The following SHROOM3 variants were observed in gnomAD, a reference collection of about 807,000 sequenced individuals.
SHROOM3 encodes protein Shroom3.
In SHROOM3, 47 loss-of-function variants were observed where a neutral mutation model predicts 138.6. The ratio of observed to expected loss-of-function variants is 0.34; its 90% CI spans 0.27 to 0.43. The LOEUF (loss-of-function observed/expected upper bound fraction) is 0.43, where lower values mean the gene tolerates loss of function less well. SHROOM3 is among the 20% of genes least tolerant of loss of function. SHROOM3 has a pLI of 1.00. For missense variants in SHROOM3, 2,491 were observed against 2,596.5 expected, an observed-to-expected ratio of 0.96 and a Z score of 0.88; for synonymous variants, 1,062 against 1,063.3, an observed-to-expected ratio of 1.00 and a Z score of 0.02.
intron 2 of SHROOM3, among the ~76,000 whole-genome samples, chr4:76,694,375 G>A (rs891284881): frequency 7.3e-5 from 11 of 151,520 alleles, no homozygotes; most frequent in African/African-American, 2.7e-4. Context: ...GTTTTTTTTT[G>A]TGTTTTGTTG....
chr4:76,533,597 G>A (rs1732877145), intron 1 of SHROOM3, among the ~76,000 whole-genome samples: 1 of 152,180 alleles, frequency 6.6e-6, no homozygotes, highest in Non-Finnish European at 1.5e-5. Context: ...GAACACTGAT[G>A]TGGGAAAGCA....
intron 2 of SHROOM3, among the ~76,000 whole-genome samples, chr4:76,585,943 T>C (rs1329844553): frequency 6.6e-6 from 1 of 152,240 alleles, no homozygotes; most frequent in East Asian, 1.9e-4. Context: ...TGTTCTTCTT[T>C]ACCTTCGCTT....
chr4:76,570,425 C>T (rs1020079827), intron 2 of SHROOM3, among the ~76,000 whole-genome samples: 2 of 152,110 alleles, frequency 1.3e-5, no homozygotes, highest in African/African-American at 4.8e-5. Flanking sequence ...GGTGTGCAAT[C>T]GGTGGCATCC....
At chr4:76,689,271 C>T (rs1244953869) in intron 2 of SHROOM3, among the ~76,000 whole-genome samples, 3 of 147,002 alleles carry the variant, frequency 2.0e-5, no homozygotes, top group African/African-American at 2.4e-5. Context: ...CCTTAGGGAG[C>T]CTTCTTTGCC....
intron 2 of SHROOM3, among the ~76,000 whole-genome samples, chr4:76,614,121 T>A (rs573230892): frequency 6.6e-6 from 1 of 152,134 alleles, no homozygotes; most frequent in Non-Finnish European, 1.5e-5. Flanking sequence ...AGTGGCGAGA[T>A]CTCGGCTCAC....
intron 3 of SHROOM3, among the ~76,000 whole-genome samples, chr4:76,725,416 A>G (rs1449935938): frequency 6.6e-6 from 1 of 152,048 alleles, no homozygotes. Flanking sequence ...CTTAGTCATT[A>G]TTTCTTTAAA....
chr4:76,701,971 A>G (rs1460259985), intron 2 of SHROOM3, among the ~76,000 whole-genome samples: 1 of 152,252 alleles, frequency 6.6e-6, no homozygotes, highest in East Asian at 1.9e-4. Flanking sequence ...AATAATAAAC[A>G]TTAATTGTAA....
At chr4:76,467,970 T>C (rs1289644139) in intron 1 of SHROOM3, among the ~76,000 whole-genome samples, 1 of 152,054 alleles carries the variant, frequency 6.6e-6, no homozygotes, top group African/African-American at 2.4e-5. Flanking sequence ...TTCTAGGAGG[T>C]GGGACATAAG....
chr4:76,636,901 TGCA>T (rs1735512894), intron 2 of SHROOM3, among the ~76,000 whole-genome samples: 1 of 152,264 alleles, frequency 6.6e-6, no homozygotes. Flanking sequence ...CTTTCTTAAA[TGCA>T]TACATAGTTC....
intron 1 of SHROOM3, among the ~76,000 whole-genome samples, chr4:76,447,570 G>T (rs1196079143): frequency 6.6e-6 from 1 of 152,270 alleles, no homozygotes; most frequent in Admixed American, 6.5e-5. Context: ...AGGAGAGTGT[G>T]CAAACTTTTG....
intron 2 of SHROOM3, chr4:76,638,819 T>G (rs1735576616): frequency 6.6e-6 from 1 of 152,174 alleles, no homozygotes; most frequent in Non-Finnish European, 1.5e-5. Flanking sequence ...ATCTTTTCCT[T>G]CCTCCGATAC....
intron 1 of SHROOM3, among the ~76,000 whole-genome samples, chr4:76,512,141 G>T (rs1475169269): frequency 1.3e-5 from 2 of 152,170 alleles, no homozygotes; most frequent in African/African-American, 2.4e-5. Flanking sequence ...GGGCTAAAAA[G>T]ATAGGGCCAA....
intron 2 of SHROOM3, among the ~76,000 whole-genome samples, chr4:76,652,404 C>T (rs187207357): frequency 7.2e-4 from 110 of 152,224 alleles, no homozygotes; most frequent in African/African-American, 2.5e-3. Context: ...GAACTTGTGT[C>T]CTGATTCTGA....
chr4:76,679,200 G>A (rs1046886492), intron 2 of SHROOM3, among the ~76,000 whole-genome samples: 2 of 152,142 alleles, frequency 1.3e-5, no homozygotes, highest in Non-Finnish European at 2.9e-5. Context: ...TCTATTTCTA[G>A]TTCTCCTGTC....
At chr4:76,738,400 C>T (rs189118218) in intron 4 of SHROOM3, among the ~76,000 whole-genome samples, 1 of 152,366 alleles carries the variant, frequency 6.6e-6, no homozygotes, top group Admixed American at 6.5e-5. Context: ...CAGTTTCAGT[C>T]TCAATCACTC....
At chr4:76,611,034 A>AT (rs1175693709) in intron 2 of SHROOM3, among the ~76,000 whole-genome samples, 3 of 151,982 alleles carry the variant, frequency 2.0e-5, no homozygotes, top group African/African-American at 4.8e-5. Context: ...TTCTAAGGTG[A>AT]TTTTTTTCCC....
chr4:76,632,466 A>G (rs1689159340), intron 2 of SHROOM3, among the ~76,000 whole-genome samples: 1 of 152,182 alleles, frequency 6.6e-6, no homozygotes, highest in Admixed American at 6.5e-5. Context: ...TTAAGGAGGC[A>G]ATAGTGAGCT....
intron 1 of SHROOM3, among the ~76,000 whole-genome samples, chr4:76,472,942 C>T (rs10025351): frequency 0.33 from 50,349 of 152,066 alleles, 9,784 homozygotes; most frequent in Non-Finnish European, 0.45. Context: ...ATCCGCCCAC[C>T]GCGGCTTCCC....
At chr4:76,623,097 A>T (rs141861217) in intron 2 of SHROOM3, among the ~76,000 whole-genome samples, 15 of 152,314 alleles carry the variant, frequency 9.8e-5, no homozygotes, top group African/African-American at 3.1e-4. Context: ...CTTATAACAC[A>T]TTTCATGCTT....
Sources: gnomAD v4.1 joint callset for allele counts (sites outside exome capture counted in the v4.1 genomes callset) on GRCh38, gnomAD v4.1.1 for gene constraint, MANE v1.5 for transcripts, NCBI Gene and HGNC (gene_info 2026-07-23, HGNC 2026-07-21) for gene names.